IRF2BP1: variants seen among roughly 807,000 people sequenced by gnomAD.
IRF2BP1 encodes interferon regulatory factor 2-binding protein 1.
IRF2BP1 carries 9 observed loss-of-function variants against 38.6 expected under a neutral mutation model. That is an observed-to-expected ratio of 0.23 (90% CI 0.14 to 0.41). IRF2BP1 has a LOEUF of 0.41. Among genes scored for constraint, IRF2BP1 ranks in the 10% least tolerant of loss-of-function variants. The pLI is 1.00. For synonymous variants in IRF2BP1, 416 were observed against 383.4 expected, an observed-to-expected ratio of 1.08 and a Z score of -0.99; for missense variants, 631 against 829.6, an observed-to-expected ratio of 0.76 and a Z score of 2.94.
In IRF2BP1 at chr19:45,884,677, G is replaced by C; in HGVS notation, c.1098C>G (p.Pro366=). The change falls in exon 1 of 1, where the codon CCC becomes CCG. Residue 366 remains proline (P), a synonymous_variant. Transcript: ENST00000302165. ...EPAPAALCGP[P]PRAPSRNLAP... ...CCAGGTTCCGGGATGGGGCTCGCGG[G>C]GGTGGGCCACAGAGAGCCGCAGGGG... The C allele has an allele frequency of 6.2e-7, 1 of 1,604,464 alleles. No homozygotes were observed. Among genetic ancestry groups the C allele is most frequent in the East Asian group, 2.2e-5 (1 of 44,722 alleles).
chr19:45,884,971 G>A lies in IRF2BP1; in HGVS notation c.804C>T (p.Tyr268=), dbSNP rs554765215. 12 of 1,613,472 alleles carry A rather than the reference G, an allele frequency of 7.4e-6. No individual in the cohort carries two copies. The South Asian group carries it at 1.3e-4, about 18-fold the overall frequency. Residue 268 remains tyrosine, a synonymous_variant, in exon 1 of 1, where the codon TAC becomes TAT. Transcript: ENST00000302165. ...CGGTGAAGAGCTTCAGCTCGAACTC[G>A]TATCCTGGAGGACGGGCAGTAGCAT... ...AFDATARPPG[Y]EFELKLFTEY... is the part of the protein sequence containing the mutation.
Position 45,885,030 on chromosome 19 carries a change from C to G in IRF2BP1, c.745G>C (p.Asp249His), listed in dbSNP as rs758380823. ...CAPFNVRFKK[D>H]HGLVGRVFAF... ...AACACTCGCCCCACCAGCCCGTGAT[C>G]CTTCTTGAAGCGCACATTGAACGGG... Residue 249 changes from aspartate to histidine, a missense_variant, in exon 1 of 1, where the codon GAT becomes CAT. Transcript: ENST00000302165. 2 of 1,613,350 alleles carry G rather than the reference C, an allele frequency of 1.2e-6. No individual in the cohort carries two copies.
Position 45,884,910 on chromosome 19 carries a change from C to G in IRF2BP1, c.865G>C (p.Val289Leu). 6.2e-7 allele frequency: 1 copy of G among 1,613,288 alleles called. No homozygotes were observed. Among genetic ancestry groups the G allele is most frequent in the South Asian group, 1.1e-5 (1 of 91,092 alleles). ...AACATCTGGCGAGCCACTGCCAGGA[C>G]GCCGGCGTACACATTGCCGGAACCA... is the stretch of plus-strand genomic sequence containing the variant. ...PCGSGNVYAG[V>L]LAVARQMFHD... Residue 289 changes from valine (V) to leucine (L), a missense_variant, in exon 1 of 1, where the codon GTC becomes CTC. Coordinates refer to ENST00000302165, the MANE Select transcript of IRF2BP1 (RefSeq NM_015649.3).
At position 45,884,796 on chromosome 19, in the gene IRF2BP1, AT is replaced by A; in HGVS notation, c.978del (p.Glu326AspfsTer70). 6.2e-7 allele frequency: 1 copy of A among 1,612,686 alleles called. No individual in the cohort carries two copies. The highest frequency in any genetic ancestry group is 8.5e-7 in the Non-Finnish European group (1 of 1,179,990). ...LEYERRHGSG[E>X]WRQLGELLTD... ...GTAAGCAGCTCGCCCAGCTGCCGCC[AT>A]TCTCCTGATCCATGCCGGCGTTCAT... On this transcript the variant is annotated frameshift_variant, in exon 1 of 1. Coordinates refer to ENST00000302165, the MANE Select transcript of IRF2BP1 (RefSeq NM_015649.3). LOFTEE classifies it high-confidence loss of function.
chr19:45,885,070 C>T lies in IRF2BP1; in HGVS notation c.705G>A (p.Ala235=). The T allele has an allele frequency of 6.2e-7, 1 of 1,612,614 alleles. No homozygotes were observed. ...RPKAVREQLL[A]LSACAPFNVR... ...CATTGAACGGGGCGCAGGCGGACAG[C>T]GCCAGTAGCTGTTCCCGCACTGCTT... is the stretch of plus-strand genomic sequence containing the variant. The change falls in exon 1 of 1, where the codon GCG becomes GCA. Residue 235 remains alanine (A), a synonymous_variant. Transcript: ENST00000302165.
chr19:45,884,701 G>A lies in IRF2BP1; in HGVS notation c.1074C>T (p.Ala358=). The change falls in exon 1 of 1, where the codon GCC becomes GCT. Residue 358 remains alanine, a synonymous_variant. Transcript: ENST00000302165. ...EALPQQYPEP[A]PAALCGPPPR... is the part of the protein sequence containing the mutation. ...GGGGTGGGCCACAGAGAGCCGCAGG[G>A]GCCGGCTCTGGGTACTGCTGGGGCA... 1.2e-6 allele frequency: 2 copies of A among 1,607,966 alleles called. No individual in the cohort carries two copies. Among genetic ancestry groups the A allele is most frequent in the Non-Finnish European group, 1.7e-6 (2 of 1,178,188 alleles).
rs564930401 is a variant in IRF2BP1, at chr19:45,883,666, G to A, written c.*354C>T. 3 of 196,732 alleles carry A rather than the reference G, an allele frequency of 1.5e-5. No individual in the cohort carries two copies. Among genetic ancestry groups the A allele is most frequent in the Non-Finnish European group, 1.9e-5 (2 of 105,374 alleles). 12.2% of individuals were successfully genotyped at this position (196,732 alleles called of 1,614,324 possible). The stretch of plus-strand genomic sequence containing the variant: ...GAGCAGAAGGGAGCGGGGGGTGGGG[G>A]GGTGGGAATTAAATGCTTTTGCCTC... On this transcript the variant is annotated 3_prime_UTR_variant, in exon 1 of 1. Coordinates refer to ENST00000302165, the MANE Select transcript of IRF2BP1 (RefSeq NM_015649.3).
At position 45,886,123 on chromosome 19, in the gene IRF2BP1, C is replaced by T; in HGVS notation, c.-349G>A. 5.1e-6 allele frequency: 1 copy of T among 195,470 alleles called. No individual in the cohort carries two copies. The highest frequency in any genetic ancestry group is 1.0e-5 in the Non-Finnish European group (1 of 96,604). 12.1% of individuals were successfully genotyped at this position (195,470 alleles called of 1,614,324 possible). A position where few individuals can be genotyped will look rare whatever the true frequency, so the allele number is the denominator to read the frequency against. On this transcript the variant is annotated 5_prime_UTR_variant, in exon 1 of 1. Coordinates refer to ENST00000302165, the MANE Select transcript of IRF2BP1 (RefSeq NM_015649.3). ...CCGCCGCTGCAACGGCCGCCGCCGC[C>T]TCCACCTCCTTCTTCTGCCCCAGAG...
Position 45,886,131 on chromosome 19 carries a change from CCTT to C in IRF2BP1, c.-360_-358del, listed in dbSNP as rs563792252. ...GCAACGGCCGCCGCCGCCTCCACCT[CCTT>C]CTTCTGCCCCAGAGGCCGCTTCGCA... On this transcript the variant is annotated 5_prime_UTR_variant, in exon 1 of 1. Coordinates refer to ENST00000302165, the MANE Select transcript of IRF2BP1 (RefSeq NM_015649.3). 2.7e-3 allele frequency: 511 copies of C among 188,046 alleles called. 3 individuals carry two copies. The highest frequency in any genetic ancestry group is 0.011 in the African/African-American group (453 of 42,630). The allele number at this position is 188,046 out of a possible 1,614,324, so 11.6% of individuals were successfully genotyped here. A position where few individuals can be genotyped will look rare whatever the true frequency, so the allele number is the denominator to read the frequency against.
rs1041350418 is a variant in IRF2BP1 at position 45,883,824 on chromosome 19, AC to A, written c.*195del. 2 of 500,884 alleles carry A rather than the reference AC, an allele frequency of 4.0e-6. No homozygotes were observed. Among genetic ancestry groups the A allele is most frequent in the East Asian group, 6.4e-5 (2 of 31,230 alleles). The allele number at this position is 500,884 out of a possible 1,614,324, so 31.0% of individuals were successfully genotyped here. On this transcript the variant is annotated 3_prime_UTR_variant, in exon 1 of 1. Transcript: ENST00000302165. ...CTGGAGGGGCCAAGGGACCCCAAAC[AC>A]CCCCTCGGACAGGAGCCACAAGCTT...
Position 45,885,925 on chromosome 19 carries a change from CCT to C in IRF2BP1, c.-153_-152del. ...CCCCGCCGGATCCAGGCCCGGCCCC[CCT>C]TCCCCGCCCCCTGGGCCCTAAGCCT... is the stretch of plus-strand genomic sequence containing the variant. On this transcript the variant is annotated 5_prime_UTR_variant, in exon 1 of 1. Transcript: ENST00000302165. 1.1e-6 allele frequency: 1 copy of C among 876,634 alleles called. No individual in the cohort carries two copies. Among genetic ancestry groups the C allele is most frequent in the Admixed American group, 4.2e-5 (1 of 23,898 alleles). The allele number at this position is 876,634 out of a possible 1,614,324, so 54.3% of individuals were successfully genotyped here. A position where few individuals can be genotyped will look rare whatever the true frequency, so the allele number is the denominator to read the frequency against.
In IRF2BP1 at chr19:45,885,197, C is replaced by A. The variant is rs757085912; in HGVS notation, c.578G>T (p.Gly193Val). The A allele has an allele frequency of 6.2e-7, 1 of 1,607,992 alleles. No homozygotes were observed. Among genetic ancestry groups the A allele is most frequent in the Non-Finnish European group, 8.5e-7 (1 of 1,180,000 alleles). ...CTGCTTCTCTTTCTCGAAATCGGAG[C>A]CGAAGAGGGGACGGGCAGGACTCAA... ...PGLSPARPLF[G>V]SDFEKEKQQR... The change falls in exon 1 of 1, where the codon GGC (glycine) becomes GTC (valine). Residue 193 changes from glycine to valine, a missense_variant. Gly to Val is a moderately radical substitution (Grantham distance 109, BLOSUM62 -3). Transcript: ENST00000302165.
In IRF2BP1 at chr19:45,884,679, G is replaced by A; in HGVS notation, c.1096C>T (p.Pro366Ser). 1 of 1,604,572 alleles carries A rather than the reference G, an allele frequency of 6.2e-7. No homozygotes were observed. The highest frequency in any genetic ancestry group is 8.5e-7 in the Non-Finnish European group (1 of 1,177,566). Residue 366 changes from proline to serine, a missense_variant, in exon 1 of 1, where the codon CCC (proline) becomes TCC (serine). Coordinates refer to ENST00000302165, the MANE Select transcript of IRF2BP1 (RefSeq NM_015649.3). ...EPAPAALCGPPPRAPSRNLAP... is the reference protein window; with the variant it reads ...EPAPAALCGPSPRAPSRNLAP... ...AGGTTCCGGGATGGGGCTCGCGGGG[G>A]TGGGCCACAGAGAGCCGCAGGGGCC...
In IRF2BP1 at chr19:45,886,096, C is replaced by CGCCGCCGCTGCAACG. The variant is rs1281800471; in HGVS notation, c.-337_-323dup. 9 of 215,480 alleles carry CGCCGCCGCTGCAACG rather than the reference C, an allele frequency of 4.2e-5. No individual in the cohort carries two copies. The highest frequency in any genetic ancestry group is 9.2e-5 in the African/African-American group (4 of 43,384). The allele number at this position is 215,480 out of a possible 1,614,324, so 13.3% of individuals were successfully genotyped here. ...CGCCTCGGGCTCCCGCCGCTCTCGC[C>CGCCGCCGCTGCAACG]GCCGCCGCTGCAACGGCCGCCGCCG... On this transcript the variant is annotated 5_prime_UTR_variant, in exon 1 of 1. Coordinates refer to ENST00000302165, the MANE Select transcript of IRF2BP1 (RefSeq NM_015649.3).
At position 45,883,781 on chromosome 19, in the gene IRF2BP1, A is replaced by T. The variant is rs1967018611; in HGVS notation, c.*239T>A. 1 of 411,962 alleles carries T rather than the reference A, an allele frequency of 2.4e-6. No homozygotes were observed. The highest frequency in any genetic ancestry group is 4.0e-5 in the Admixed American group (1 of 25,010). 25.5% of individuals were successfully genotyped at this position (411,962 alleles called of 1,614,324 possible). Reference sequence around the variant, plus strand: ...CTACAAGCAGCAGCAAAGCCAAGCCAAGGAGGACAGAGGGAAACTGGAGGG... The same window carrying T: ...CTACAAGCAGCAGCAAAGCCAAGCCTAGGAGGACAGAGGGAAACTGGAGGG... On this transcript the variant is annotated 3_prime_UTR_variant, in exon 1 of 1. Coordinates refer to ENST00000302165, the MANE Select transcript of IRF2BP1 (RefSeq NM_015649.3).
chr19:45,885,369 G>C lies in IRF2BP1; in HGVS notation c.406C>G (p.Leu136Val). The C allele has an allele frequency of 6.2e-7, 1 of 1,609,104 alleles. No individual in the cohort carries two copies. The highest frequency in any genetic ancestry group is 8.5e-7 in the Non-Finnish European group (1 of 1,179,488). ...TCCTCACGGCCCAGCCCATTGGCCA[G>C]GCGGGACCCCAGAGTGTACTCCAGG... ...PALEYTLGSR[L>V]ANGLGREEAV... Residue 136 changes from leucine to valine, a missense_variant, in exon 1 of 1, where the codon CTG becomes GTG. Transcript: ENST00000302165.
Position 45,885,497 on chromosome 19 carries a change from G to C in IRF2BP1, c.278C>G (p.Pro93Arg). Residue 93 changes from proline (P) to arginine (R), a missense_variant, in exon 1 of 1, where the codon CCG (proline) becomes CGG (arginine). Physicochemically the swap from Pro to Arg is moderately radical, Grantham distance 103. Transcript: ENST00000302165. ...CCCTGACGGCTGGGGCTGGGCCTGC[G>C]GGGGCGGCAGCTGGGGCCCCTGTGC... ...AAAQGPQLPP[P>R]QAQPQPSGTG... The C allele has an allele frequency of 6.9e-7, 1 of 1,440,628 alleles. No homozygotes were observed. Among genetic ancestry groups the C allele is most frequent in the South Asian group, 1.5e-5 (1 of 67,798 alleles). The allele number at this position is 1,440,628 out of a possible 1,614,324, so 89.2% of individuals were successfully genotyped here.
Position 45,885,989 on chromosome 19 carries a change from G to T in IRF2BP1, c.-215C>A. On this transcript the variant is annotated 5_prime_UTR_variant, in exon 1 of 1. Coordinates refer to ENST00000302165, the MANE Select transcript of IRF2BP1 (RefSeq NM_015649.3). The stretch of plus-strand genomic sequence containing the variant: ...CCCGCCTCCCTCGCGAAGGCAGGCT[G>T]AGGCACGTCGGCGCCCCCGCCCGGT... 1 of 517,446 alleles carries T rather than the reference G, an allele frequency of 1.9e-6. No individual in the cohort carries two copies. Among genetic ancestry groups the T allele is most frequent in the Non-Finnish European group, 3.1e-6 (1 of 318,342 alleles). The allele number at this position is 517,446 out of a possible 1,614,324, so 32.1% of individuals were successfully genotyped here.
chr19:45,883,905 G>T lies in IRF2BP1; in HGVS notation c.*115C>A. 9.9e-7 allele frequency: 1 copy of T among 1,006,494 alleles called. No individual in the cohort carries two copies. The highest frequency in any genetic ancestry group is 1.4e-6 in the Non-Finnish European group (1 of 713,760). The allele number at this position is 1,006,494 out of a possible 1,614,324, so 62.3% of individuals were successfully genotyped here. ...AGGGGACCCATCTGGGTGGAAGAAG[G>T]GAGTATGTACACAGATAGAGGTGGC... is the stretch of plus-strand genomic sequence containing the variant. On this transcript the variant is annotated 3_prime_UTR_variant, in exon 1 of 1. Transcript: ENST00000302165.
Sources: allele counts gnomAD v4.1 joint callset, GRCh38; gene constraint gnomAD v4.1.1; transcripts MANE v1.5; gene names NCBI Gene and HGNC (gene_info 2026-07-23, HGNC 2026-07-21).